CLNK: variants seen among roughly 807,000 people sequenced by gnomAD.
CLNK encodes the protein cytokine dependent hematopoietic cell linker.
In CLNK, 74 loss-of-function variants were observed where a neutral mutation model predicts 68.6. That is an observed-to-expected ratio of 1.08 (90% CI 0.89 to 1.31). The LOEUF (loss-of-function observed/expected upper bound fraction) is 1.31, where lower values mean the gene tolerates loss of function less well. CLNK is among the 50% of genes most tolerant of loss of function. CLNK has a pLI of 0.00. For missense variants in CLNK, 553 were observed against 515.3 expected (o/e 1.07, Z -0.71); for synonymous variants, 198 against 172.2 (o/e 1.15, Z -1.17).
the CLNK span, among the ~76,000 whole-genome samples, chr4:10,733,842 C>T: frequency 6.6e-6 from 1 of 152,136 alleles, no homozygotes; most frequent in Non-Finnish European, 1.5e-5. Flanking sequence ...GTGTTCCAGC[C>T]CCAGAGAGTT....
At chr4:10,704,095 T>C in the CLNK span, among the ~76,000 whole-genome samples, 476 of 151,956 alleles carry the variant, frequency 3.1e-3, 5 homozygotes, top group African/African-American at 0.011. Flanking sequence ...TCTGATAAAG[T>C]AATAATTTGA....
chr4:10,532,398 A>C lies in CLNK; in HGVS notation c.603-115T>G, dbSNP rs1349130914. On this transcript the variant is annotated intron_variant, in intron 11 of 18. Transcript: ENST00000226951. ...ATTTTCATTGCCAAATTAACAGCCC[A>C]TAGTCCAGTGAGATATTTATCACTC... The C allele has an allele frequency of 1.5e-5, 12 of 788,592 alleles. No individual in the cohort carries two copies. In the East Asian group the frequency reaches 3.2e-4, roughly 21 times the overall value. 48.8% of individuals were successfully genotyped at this position (788,592 alleles called of 1,614,324 possible).
At chr4:10,510,084 TTTTA>T (rs1717507025) in intron 16 of CLNK, among the ~76,000 whole-genome samples, 1 of 152,118 alleles carries the variant, frequency 6.6e-6, no homozygotes, top group Admixed American at 6.5e-5. Context: ...TCAAGTCGGT[TTTTA>T]TTTATTTGTC....
At chr4:10,563,647 G>A (rs1009658277) in intron 7 of CLNK, among the ~76,000 whole-genome samples, 1 of 152,238 alleles carries the variant, frequency 6.6e-6, no homozygotes. Flanking sequence ...GGTGGCTCAC[G>A]ACCATAATCC....
upstream of CLNK, chr4:10,685,195 G>C (rs914707250): frequency 6.6e-6 from 1 of 152,166 alleles, no homozygotes; most frequent in African/African-American, 2.4e-5. Flanking sequence ...GGGAACTAAA[G>C]GAGAAATGCC....
At chr4:10,495,839 G>T (rs1716789520) in intron 18 of CLNK, among the ~76,000 whole-genome samples, 1 of 150,254 alleles carries the variant, frequency 6.7e-6, no homozygotes, top group African/African-American at 2.5e-5. Context: ...AGAGAGAGAT[G>T]AGGAGAAGGT....
intron 2 of CLNK, among the ~76,000 whole-genome samples, chr4:10,646,221 G>A (rs1356896138): frequency 6.6e-6 from 1 of 152,072 alleles, no homozygotes; most frequent in Non-Finnish European, 1.5e-5. Flanking sequence ...CTCAAAATAT[G>A]TAAAATTATT....
chr4:10,648,109 C>T (rs1247729817), intron 2 of CLNK, among the ~76,000 whole-genome samples: 1 of 152,108 alleles, frequency 6.6e-6, no homozygotes, highest in African/African-American at 2.4e-5. Context: ...GGACAGACTC[C>T]CTATCTTTTT....
At chr4:10,694,394 C>G in the CLNK span, among the ~76,000 whole-genome samples, 1 of 152,076 alleles carries the variant, frequency 6.6e-6, no homozygotes, top group East Asian at 1.9e-4. Context: ...CATGCACTGC[C>G]TAAGGCTGTT....
intron 4 of CLNK, among the ~76,000 whole-genome samples, chr4:10,575,949 C>T (rs955035670): frequency 6.6e-6 from 1 of 152,122 alleles, no homozygotes; most frequent in Non-Finnish European, 1.5e-5. Flanking sequence ...AGGAACAAAG[C>T]CAACCAATAA....
chr4:10,591,733 T>C (rs1721185496), intron 3 of CLNK, among the ~76,000 whole-genome samples: 1 of 152,172 alleles, frequency 6.6e-6, no homozygotes, highest in South Asian at 2.1e-4. Flanking sequence ...TGGAATCGGT[T>C]GTACATTTTC....
chr4:10,641,776 A>G (rs1330272347), intron 2 of CLNK, among the ~76,000 whole-genome samples: 1 of 152,198 alleles, frequency 6.6e-6, no homozygotes, highest in African/African-American at 2.4e-5. Flanking sequence ...TGTAGCTCCC[A>G]TAATTCTCAC....
chr4:10,727,682 C>T, the CLNK span, among the ~76,000 whole-genome samples: 1 of 152,212 alleles, frequency 6.6e-6, no homozygotes, highest in South Asian at 2.1e-4. Flanking sequence ...CTGACTGCAG[C>T]CTTGTTCGTG....
the CLNK span, among the ~76,000 whole-genome samples, chr4:10,707,118 G>A: frequency 8.5e-5 from 13 of 152,132 alleles, no homozygotes; most frequent in Admixed American, 2.6e-4. Context: ...TGATAGTGAC[G>A]TCAAGTCTTT....
At chr4:10,502,335 C>T (rs532387349) in intron 17 of CLNK, among the ~76,000 whole-genome samples, 4 of 152,146 alleles carry the variant, frequency 2.6e-5, no homozygotes, top group African/African-American at 7.2e-5. Context: ...GGGAGAGGAG[C>T]CCCTTATAAA....
chr4:10,524,558 C>A (rs1718222910), intron 14 of CLNK, among the ~76,000 whole-genome samples: 1 of 152,172 alleles, frequency 6.6e-6, no homozygotes, highest in Non-Finnish European at 1.5e-5. Context: ...AGCTTTTTAG[C>A]AGGCACCAGG....
chr4:10,671,927 T>C (rs1446232357), intron 1 of CLNK, among the ~76,000 whole-genome samples: 1 of 152,174 alleles, frequency 6.6e-6, no homozygotes, highest in Non-Finnish European at 1.5e-5. Context: ...AAGCTTAGTC[T>C]AAGATAAAAG....
In CLNK at chr4:10,566,043, T is replaced by C. The variant is rs761537101; in HGVS notation, c.258A>G (p.Leu86=). 5 of 1,613,892 alleles carry C rather than the reference T, an allele frequency of 3.1e-6. No individual in the cohort carries two copies. The highest frequency in any genetic ancestry group is 4.2e-6 in the Non-Finnish European group (5 of 1,179,830). The change falls in exon 6 of 19, where the codon TTA becomes TTG. Residue 86 remains leucine, a synonymous_variant. Transcript: ENST00000226951. ...MEETWQSIKI[L]PARPIKESEY... The stretch of plus-strand genomic sequence containing the variant: ...CAGATTCCTTTATAGGCCGGGCTGG[T>C]AAAATTTTAATCGACTGCCATGTCT...
Position 10,487,373 on chromosome 4 carries a change from T to C in CLNK, c.*3094A>G, listed in dbSNP as rs1716389150. On this transcript the variant is annotated 3_prime_UTR_variant, in exon 19 of 19. Coordinates refer to ENST00000226951, the MANE Select transcript of CLNK (RefSeq NM_052964.4). The stretch of plus-strand genomic sequence containing the variant: ...CATTAGAAATAGCTGCCCTCTCTTC[T>C]TTACAGAAGTGTTGTAAGAAACAAA... 1 of 152,228 alleles carries C rather than the reference T, an allele frequency of 6.6e-6. No homozygotes were observed. The highest frequency in any genetic ancestry group is 1.5e-5 in the Non-Finnish European group (1 of 68,038). The allele number at this position is 152,228 out of a possible 1,614,324, so 9.4% of individuals were successfully genotyped here.
Sources: gnomAD v4.1 joint callset for allele counts (sites outside exome capture counted in the v4.1 genomes callset) on GRCh38, gnomAD v4.1.1 for gene constraint, MANE v1.5 for transcripts, NCBI Gene and HGNC (gene_info 2026-07-23, HGNC 2026-07-21) for gene names.